Variants in GOLGA3 observed in about 807,000 individuals in gnomAD.
GOLGA3 encodes golgin subfamily A member 3.
A neutral mutation model predicts 169.4 loss-of-function variants in GOLGA3; 75 were observed. The observed-to-expected ratio is 0.44, with a 90% CI of 0.37 to 0.54. GOLGA3 has a LOEUF of 0.54. Ranked by LOEUF, GOLGA3 falls within the 20% of genes least tolerant of loss-of-function variation. GOLGA3 has a pLI of 0.00. For synonymous variants in GOLGA3, 824 were observed against 822.4 expected (o/e 1.00, Z -0.03); for missense variants, 1,899 against 1,930.0 (o/e 0.98, Z 0.30).
At chr12:132,818,583 A>G (rs188666705) in intron 2 of GOLGA3, among the ~76,000 whole-genome samples, 9 of 152,356 alleles carry the variant, frequency 5.9e-5, no homozygotes, top group Non-Finnish European at 8.8e-5. Context: ...AGTAAAACCA[A>G]TAAGAAATCT....
intron 4 of GOLGA3, among the ~76,000 whole-genome samples, chr12:132,809,605 C>G (rs1949604751): frequency 6.6e-6 from 1 of 152,236 alleles, no homozygotes; most frequent in South Asian, 2.1e-4. Flanking sequence ...CTGGGCATAA[C>G]AGAAGGCTTG....
intron 4 of GOLGA3, chr12:132,811,822 T>C (rs562799620): frequency 5.2e-6 from 5 of 965,348 alleles, no homozygotes; most frequent in South Asian, 9.6e-5. Flanking sequence ...GGTCATTTTA[T>C]TGATCTTCTT....
rs570430975 is a variant in GOLGA3, at chr12:132,783,514, GC to G, written c.3267+649del. Among the ~76,000 whole-genome samples, 826 of 139,612 alleles carry G rather than the reference GC, an allele frequency of 5.9e-3. 5 individuals carry two copies. Among genetic ancestry groups the G allele is most frequent in the African/African-American group, 0.02 (748 of 38,226 alleles). The allele number at this position is 139,612 out of a possible 152,430, so 91.6% of individuals were successfully genotyped here. A position where few individuals can be genotyped will look rare whatever the true frequency, so the allele number is the denominator to read the frequency against. ...ACAGGGAGGGGCTGGGGAGTGGGGG[GC>G]GCCGGGACACTGAGCTGCCACCAGC... On this transcript the variant is annotated intron_variant, in intron 16 of 23. Transcript: ENST00000450791.
intron 12 of GOLGA3, among the ~76,000 whole-genome samples, chr12:132,790,750 A>C (rs753392994): frequency 8.6e-5 from 13 of 152,008 alleles, no homozygotes; most frequent in Admixed American, 3.9e-4. Flanking sequence ...AAGTACCTTT[A>C]AAAAAAGTTA....
intron 8 of GOLGA3, among the ~76,000 whole-genome samples, chr12:132,799,825 C>T (rs1425701930): frequency 1.3e-5 from 2 of 152,058 alleles, no homozygotes; most frequent in Admixed American, 1.3e-4. Context: ...ACTACAACCT[C>T]TGCCTCCTGG....
chr12:132,828,453 A>G (rs940337193), intron 1 of GOLGA3: 1 of 152,232 alleles, frequency 6.6e-6, no homozygotes, highest in African/African-American at 2.4e-5. Context: ...ACCCGACACC[A>G]TGTCACGCCT....
chr12:132,801,638 G>C (rs367598338), intron 8 of GOLGA3, 129 bp downstream of exon 8: 4 of 846,372 alleles, frequency 4.7e-6, no homozygotes, highest in Non-Finnish European at 7.6e-6. Flanking sequence ...ACACGGGGTG[G>C]GCTGGACAGC....
At chr12:132,816,425 C>A in intron 3 of GOLGA3, 115 bp downstream of exon 3, 1 of 1,072,900 alleles carries the variant, frequency 9.3e-7, no homozygotes, top group African/African-American at 1.6e-5. Flanking sequence ...TCAGATGGCA[C>A]ACGGCAGGCA....
Position 132,805,006 on chromosome 12 carries a change from G to A in GOLGA3, c.1307C>T (p.Ala436Val), listed in dbSNP as rs775829588. 6.2e-7 allele frequency: 1 copy of A among 1,609,316 alleles called. No homozygotes were observed. Among genetic ancestry groups the A allele is most frequent in the South Asian group, 1.1e-5 (1 of 91,042 alleles). ...LEASQALKEK[A>V]ELQAQLAALS... ...GGCGGCCAGCTGGGCCTGCAGCTCA[G>A]CCTTCTCTTTAAGTGCCTGAAAAGA... The change falls in exon 7 of 24, where the codon GCT (alanine) becomes GTT (valine). Residue 436 changes from alanine (A) to valine (V), a missense_variant. Coordinates refer to ENST00000450791, the MANE Select transcript of GOLGA3 (RefSeq NM_001389683.1).
At chr12:132,795,519 G>A (rs1422282451) in intron 11 of GOLGA3, among the ~76,000 whole-genome samples, 2 of 152,048 alleles carry the variant, frequency 1.3e-5, no homozygotes, top group African/African-American at 4.8e-5. Context: ...CCAGCACTGT[G>A]GGAGACCGAG....
chr12:132,807,391 A>C, intron 5 of GOLGA3, 103 bp from the exon 6 acceptor site: 1 of 578,310 alleles, frequency 1.7e-6, no homozygotes, highest in Non-Finnish European at 3.0e-6. Flanking sequence ...CTCTCTCCCA[A>C]TTTTTTAAAA....
chr12:132,827,325 C>A (rs1252954883), intron 1 of GOLGA3, among the ~76,000 whole-genome samples: 2 of 152,234 alleles, frequency 1.3e-5, no homozygotes, highest in Non-Finnish European at 2.9e-5. Flanking sequence ...CATGTCACTG[C>A]AGAGACGTGA....
chr12:132,810,770 G>A (rs981688049), intron 4 of GOLGA3, among the ~76,000 whole-genome samples: 1 of 151,916 alleles, frequency 6.6e-6, no homozygotes, highest in African/African-American at 2.4e-5. Context: ...GCAGAGTTTA[G>A]AGAAGACTCT....
intron 1 of GOLGA3, among the ~76,000 whole-genome samples, chr12:132,823,069 G>A (rs887548118): frequency 1.3e-5 from 2 of 152,240 alleles, no homozygotes; most frequent in South Asian, 4.1e-4. Context: ...TTAAAAAGCA[G>A]GTGCCATGGG....
Position 132,804,665 on chromosome 12 carries a change from A to T in GOLGA3, c.1597+51T>A. The T allele has an allele frequency of 6.9e-7, 1 of 1,451,234 alleles. No individual in the cohort carries two copies. Among genetic ancestry groups the T allele is most frequent in the Non-Finnish European group, 9.5e-7 (1 of 1,049,548 alleles). The allele number at this position is 1,451,234 out of a possible 1,614,324, so 89.9% of individuals were successfully genotyped here. A position where few individuals can be genotyped will look rare whatever the true frequency, so the allele number is the denominator to read the frequency against. On this transcript the variant is annotated intron_variant, in intron 7 of 23. Transcript: ENST00000450791. The surrounding 1 kb of genome is among the most constrained non-coding windows in gnomAD (Gnocchi z 4.1). ...GGGGCCAGTCGAGGAAGGAGGAGGGAGCAGCAGGGACCAGTCAGGGAGGGG... is the reference window on the plus strand; with the variant it reads ...GGGGCCAGTCGAGGAAGGAGGAGGGTGCAGCAGGGACCAGTCAGGGAGGGG...
rs531196598 is a variant in GOLGA3 at position 132,778,889 on chromosome 12, G to A, written c.3583-1084C>T. On this transcript the variant is annotated intron_variant, in intron 18 of 23. Coordinates refer to ENST00000450791, the MANE Select transcript of GOLGA3 (RefSeq NM_001389683.1). ...CAGCCTGGTGACAAAGTGAGACTCC[G>A]TCTGAAAAAAAAAAAACCGAAAAAA... Among the ~76,000 whole-genome samples the A allele has an allele frequency of 1.5e-3, 210 of 142,882 alleles. 3 individuals carry two copies. Among genetic ancestry groups the A allele is most frequent in the Non-Finnish European group, 1.4e-3 (92 of 64,064 alleles). The allele number at this position is 142,882 out of a possible 152,430, so 93.7% of individuals were successfully genotyped here.
rs61951352 is a variant in GOLGA3, at chr12:132,793,031, T to A, written c.2470-1738A>T. ...CGCACGGGACCCGCACTCGGAGGGCTCCACACAGACCCACCGCACGGGACC... is the reference window on the plus strand; with the variant it reads ...CGCACGGGACCCGCACTCGGAGGGCACCACACAGACCCACCGCACGGGACC... On this transcript the variant is annotated intron_variant, in intron 11 of 23. Transcript: ENST00000450791. Among the ~76,000 whole-genome samples the A allele has an allele frequency of 9.5e-4, 70 of 73,458 alleles. 1 individual carries two copies. Among genetic ancestry groups the A allele is most frequent in the Non-Finnish European group, 1.5e-3 (51 of 35,012 alleles). The allele number at this position is 73,458 out of a possible 152,430, so 48.2% of individuals were successfully genotyped here. A position where few individuals can be genotyped will look rare whatever the true frequency, so the allele number is the denominator to read the frequency against.
chr12:132,822,099 G>A lies in GOLGA3; in HGVS notation c.30C>T (p.Gly10=), dbSNP rs765933087. The A allele has an allele frequency of 3.1e-6, 5 of 1,608,222 alleles. No homozygotes were observed. The highest frequency in any genetic ancestry group is 4.2e-6 in the Non-Finnish European group (5 of 1,177,962). The change falls in exon 2 of 24, where the codon GGC becomes GGT. Residue 10 remains glycine, a synonymous_variant. Coordinates refer to ENST00000450791, the MANE Select transcript of GOLGA3 (RefSeq NM_001389683.1). MDGASAEQD[G]LQEDRSHSGP... ...CACTGTGGGATCTGTCCTCCTGGAG[G>A]CCATCTTGCTCGGCCGACGCGCCGT...
chr12:132,826,481 G>C (rs11610148), intron 1 of GOLGA3, among the ~76,000 whole-genome samples: 13,436 of 152,080 alleles, frequency 0.088, 760 homozygotes, highest in East Asian at 0.14. Flanking sequence ...GTTCCACCGA[G>C]AGGGCACGCC....
Sources: gnomAD v4.1 joint callset for allele counts (sites outside exome capture counted in the v4.1 genomes callset) on GRCh38, gnomAD v4.1.1 for gene constraint, Gnocchi (gnomAD v3.1) non-coding constraint, MANE v1.5 for transcripts, NCBI Gene and HGNC (gene_info 2026-07-23, HGNC 2026-07-21) for gene names.